DNAH17: variants seen among roughly 807,000 people sequenced by gnomAD.
DNAH17 encodes the protein axonemal beta dynein heavy chain 17.
In DNAH17, 376 loss-of-function variants were observed where a neutral mutation model predicts 485.6. The observed-to-expected ratio is 0.77, with a 90% CI of 0.71 to 0.84. The LOEUF (loss-of-function observed/expected upper bound fraction) is 0.84, where lower values mean the gene tolerates loss of function less well. Among genes scored for constraint, DNAH17 ranks in the 40% least tolerant of loss-of-function variants. The pLI is 0.00. For missense variants in DNAH17, 6,370 were observed against 5,839.3 expected, an observed-to-expected ratio of 1.09 and a Z score of -2.96; for synonymous variants, 3,031 against 2,405.9, an observed-to-expected ratio of 1.26 and a Z score of -7.60.
rs1009621039 is a variant in DNAH17, at chr17:78,441,120, T to A, written c.11608A>T (p.Ser3870Cys). Residue 3870 changes from serine (S) to cysteine (C), a missense_variant, in exon 72 of 81, where the codon AGC becomes TGC. Coordinates refer to ENST00000389840, the MANE Select transcript of DNAH17 (RefSeq NM_173628.4). The part of the protein sequence containing the change: ...VEFSKSYEES[S>C]PSTSIFFILS... ...ATGAAGAAGATTGACGTGGAGGGGC[T>A]GCTCTCCTCGTAGGACTTAGAAAAC... The A allele has an allele frequency of 6.2e-7, 1 of 1,613,952 alleles. No individual in the cohort carries two copies. The highest frequency in any genetic ancestry group is 1.7e-5 in the Admixed American group (1 of 60,012).
chr17:78,501,371 G>A (rs2090282573), intron 34 of DNAH17, 27 bp from the exon 35 acceptor site: 3 of 1,570,754 alleles, frequency 1.9e-6, no homozygotes, highest in Non-Finnish European at 1.7e-6. Context: ...AGCTCTTGTT[G>A]CCAGGTGGAA....
At chr17:78,446,299 G>A (rs753867718) in intron 69 of DNAH17, among the ~76,000 whole-genome samples, 41 of 147,488 alleles carry the variant, frequency 2.8e-4, no homozygotes, top group Non-Finnish European at 4.2e-4. Flanking sequence ...GGACTTTTTT[G>A]TTACCCCCTC....
chr17:78,561,933 G>A lies in DNAH17; in HGVS notation c.1617C>T (p.Ala539=), dbSNP rs138015332. The A allele has an allele frequency of 1.1e-4, 185 of 1,613,018 alleles. No individual in the cohort carries two copies. The highest frequency in any genetic ancestry group is 1.6e-4 in the Middle Eastern group (1 of 6,080). Residue 539 remains alanine (A), a synonymous_variant, in exon 12 of 81, where the codon GCC becomes GCT. Coordinates refer to ENST00000389840, the MANE Select transcript of DNAH17 (RefSeq NM_173628.4). ...TGACTGAATACCTGGGCGCCACCTC[G>A]GCAAGAATCAGGGGCCGCTCCATGA... ...GGLMERPLIL[A]EVAPRYSVML...
intron 18 of DNAH17, among the ~76,000 whole-genome samples, chr17:78,538,220 G>A (rs6501229): frequency 0.77 from 115,981 of 151,166 alleles, 44,530 homozygotes; most frequent in African/African-American, 0.78. Flanking sequence ...ATGAATCACT[G>A]ACACACAAAG....
chr17:78,449,332 T>C (rs1389135931), intron 69 of DNAH17, 82 bp downstream of exon 69: 2 of 1,421,504 alleles, frequency 1.4e-6, no homozygotes, highest in Non-Finnish European at 1.9e-6. Flanking sequence ...GGCCCAACAA[T>C]CTGCCTTTCC....
chr17:78,456,602 T>G (rs1244214718), intron 62 of DNAH17, among the ~76,000 whole-genome samples: 1 of 152,186 alleles, frequency 6.6e-6, no homozygotes, highest in African/African-American at 2.4e-5. Flanking sequence ...ATGCGCCTCG[T>G]GCTTCTCGGG....
intron 80 of DNAH17, 162 bp downstream of exon 80, chr17:78,425,184 C>T (rs2086384592): frequency 4.5e-6 from 3 of 669,550 alleles, no homozygotes; most frequent in East Asian, 2.7e-5. Context: ...CTAGGGTCAG[C>T]GTGGCTCTGA....
At chr17:78,559,762 G>A (rs981121254) in intron 13 of DNAH17, among the ~76,000 whole-genome samples, 2 of 152,080 alleles carry the variant, frequency 1.3e-5, no homozygotes, top group East Asian at 3.9e-4. Context: ...GGTCCATGGG[G>A]CCCTTCCTCG....
At position 78,503,017 on chromosome 17, in the gene DNAH17, G is replaced by A. The variant is rs763636090; in HGVS notation, c.4957-6C>T. The stretch of plus-strand genomic sequence containing the variant: ...CGATTCAGCCACACTTCCACCTGGG[G>A]ACGGGAGCCACGGTGACCAATACAG... On this transcript the variant is annotated splice_region_variant and splice_polypyrimidine_tract_variant and intron_variant, in intron 31 of 80. Coordinates refer to ENST00000389840, the MANE Select transcript of DNAH17 (RefSeq NM_173628.4). 6.2e-7 allele frequency: 1 copy of A among 1,612,984 alleles called. No individual in the cohort carries two copies. Among genetic ancestry groups the A allele is most frequent in the Admixed American group, 1.7e-5 (1 of 59,906 alleles).
rs781747756 is a variant in DNAH17, at chr17:78,424,028, CAT to C, written c.13265_13266del (p.Tyr4422Ter). On this transcript the variant is annotated frameshift_variant, in exon 81 of 81. Transcript: ENST00000389840. LOFTEE classifies it high-confidence loss of function. ...PVDRMETKNI[Y>X]ECPVYKTRIR... is the part of the protein sequence containing the mutation. Reference sequence around the variant, plus strand: ...ATGCGTGTTTTGTACACGGGACACTCATAGATGTTCTTGGTCTCCATGCGGTC... The same window carrying C: ...ATGCGTGTTTTGTACACGGGACACTCAGATGTTCTTGGTCTCCATGCGGTC... The C allele has an allele frequency of 3.7e-6, 6 of 1,613,932 alleles. No individual in the cohort carries two copies. In the Admixed American group the frequency reaches 1.0e-4, roughly 27 times the overall value.
At chr17:78,496,650 G>A (rs1357089059) in intron 37 of DNAH17, 1 of 143,710 alleles carries the variant, frequency 7.0e-6, no homozygotes, top group Non-Finnish European at 1.5e-5. Flanking sequence ...TATCATACAC[G>A]ATCTTCCCAG....
intron 25 of DNAH17, among the ~76,000 whole-genome samples, chr17:78,517,022 G>A (rs565641183): frequency 1.3e-5 from 2 of 152,268 alleles, no homozygotes; most frequent in African/African-American, 4.8e-5. Flanking sequence ...CCTTTTGGAG[G>A]GGAGGAAGAT....
intron 10 of DNAH17, 51 bp from the exon 11 acceptor site, chr17:78,566,781 A>G (rs1303544708): frequency 6.1e-6 from 9 of 1,464,118 alleles, no homozygotes; most frequent in Non-Finnish European, 7.5e-6. Flanking sequence ...AAAGCAAGCC[A>G]AGGGCACCCT....
intron 75 of DNAH17, among the ~76,000 whole-genome samples, chr17:78,431,292 T>G (rs1330584920): frequency 6.6e-6 from 1 of 152,242 alleles, no homozygotes; most frequent in Non-Finnish European, 1.5e-5. Context: ...TTCCTGCATC[T>G]TGCTTAGCAG....
Position 78,428,597 on chromosome 17 carries a change from G to T in DNAH17, c.12516C>A (p.Phe4172Leu), listed in dbSNP as rs143651752. The T allele has an allele frequency of 8.3e-5, 134 of 1,613,824 alleles. No individual in the cohort carries two copies. The highest frequency in any genetic ancestry group is 1.1e-4 in the Non-Finnish European group (131 of 1,179,900). Reference sequence around the variant, plus strand: ...TTGGCTGCATTTCCAGGACAGTGCGGAACAGCTTCTCTGAGGTGACCGTCA... The same window carrying T: ...TTGGCTGCATTTCCAGGACAGTGCGTAACAGCTTCTCTGAGGTGACCGTCA... ...GFLTVTSEKL[F>L]RTVLEMQPKE... The change falls in exon 77 of 81, where the codon TTC becomes TTA. Residue 4172 changes from phenylalanine to leucine, a missense_variant. Coordinates refer to ENST00000389840, the MANE Select transcript of DNAH17 (RefSeq NM_173628.4).
At chr17:78,523,571 A>T (rs1230515024) in intron 25 of DNAH17, among the ~76,000 whole-genome samples, 1 of 152,276 alleles carries the variant, frequency 6.6e-6, no homozygotes, top group African/African-American at 2.4e-5. Context: ...TGGATAAAAG[A>T]CATGAATATG....
rs554751176 is a variant in DNAH17, at chr17:78,425,630, G to C, written c.12916-59C>G. 9.1e-4 allele frequency: 1,331 copies of C among 1,461,638 alleles called. 25 individuals are homozygous for C. In the Admixed American group the frequency reaches 0.025, roughly 28 times the overall value. 90.5% of individuals were successfully genotyped at this position (1,461,638 alleles called of 1,614,324 possible). ...ACATAGAATGACATGGGAACGACCG[G>C]GCCTTGGCCGTTCTGAGCAGGGGTC... On this transcript the variant is annotated intron_variant, in intron 79 of 80. Coordinates refer to ENST00000389840, the MANE Select transcript of DNAH17 (RefSeq NM_173628.4).
chr17:78,458,666 G>A lies in DNAH17; in HGVS notation c.9876C>T (p.Asn3292=), dbSNP rs766259372. Residue 3292 remains asparagine (N), a synonymous_variant, in exon 62 of 81, where the codon AAC becomes AAT. Transcript: ENST00000389840. ...CAAACGCTGAGGTTAGGTTGCTCAG[G>A]TTGGCGTTAAGTTCCTGCAAAACCA... is the stretch of plus-strand genomic sequence containing the variant. The part of the protein sequence containing the change: ...IKNKIAELNA[N]LSNLTSAFEK... 15 of 1,613,882 alleles carry A rather than the reference G, an allele frequency of 9.3e-6. No individual in the cohort carries two copies. In the African/African-American group the frequency reaches 1.1e-4, roughly 11 times the overall value.
At chr17:78,510,753 C>CCA in intron 26 of DNAH17, 3 of 422,112 alleles carry the variant, frequency 7.1e-6, no homozygotes, top group South Asian at 6.7e-5. Flanking sequence ...GAATTGCGGC[C>CCA]CCCCCGCAAA....
Sources: allele counts gnomAD v4.1 joint callset (sites outside exome capture counted in the v4.1 genomes callset), GRCh38; gene constraint gnomAD v4.1.1; transcripts MANE v1.5; gene names NCBI Gene and HGNC (gene_info 2026-07-23, HGNC 2026-07-21).